NRXN3: variants seen among roughly 807,000 people sequenced by gnomAD.
NRXN3 encodes neurexin 3.
NRXN3 carries 32 observed loss-of-function variants against 137.6 expected under a neutral mutation model. The ratio of observed to expected loss-of-function variants is 0.23; its 90% CI spans 0.18 to 0.31. NRXN3 has a LOEUF of 0.31. Among genes scored for constraint, NRXN3 ranks in the 10% least tolerant of loss-of-function variants. NRXN3 has a pLI of 1.00. For missense variants in NRXN3, 1,574 were observed against 2,062.5 expected (o/e 0.76, Z 4.59); for synonymous variants, 798 against 784.5 (o/e 1.02, Z -0.29).
In NRXN3 at chr14:78,604,302, G is replaced by GT. The variant is rs11323166; in HGVS notation, c.758-40804dup. On this transcript the variant is annotated intron_variant, in intron 4 of 20. Coordinates refer to ENST00000335750, the MANE Select transcript of NRXN3 (RefSeq NM_001330195.2). ...CCATGTCATCCTCTCTTGGTCATTT[G>GT]TTTTTTTTTTTTTTGATTTACAAGT... is the stretch of plus-strand genomic sequence containing the variant. Among the ~76,000 whole-genome samples the GT allele has an allele frequency of 6.0e-3, 842 of 141,466 alleles. 3 individuals carry two copies. Among genetic ancestry groups the GT allele is most frequent in the Non-Finnish European group, 7.5e-3 (477 of 64,026 alleles). The allele number at this position is 141,466 out of a possible 152,430, so 92.8% of individuals were successfully genotyped here.
intron 16 of NRXN3, among the ~76,000 whole-genome samples, chr14:79,546,411 C>T (rs574636471): frequency 6.6e-6 from 1 of 152,188 alleles, no homozygotes; most frequent in South Asian, 2.1e-4. Flanking sequence ...TGAGTAAACC[C>T]AGTTAAAGAA....
chr14:78,474,748 G>T (rs2153732776), intron 4 of NRXN3, among the ~76,000 whole-genome samples: 1 of 152,316 alleles, frequency 6.6e-6, no homozygotes, highest in South Asian at 2.1e-4. Flanking sequence ...GCAGAGAGGG[G>T]ATAGGGTTGC....
At chr14:78,994,106 G>A (rs1339581015) in intron 15 of NRXN3, among the ~76,000 whole-genome samples, 1 of 151,668 alleles carries the variant, frequency 6.6e-6, no homozygotes, top group Non-Finnish European at 1.5e-5. Flanking sequence ...CGCCTGCCTC[G>A]GCCTCCCAAA....
At chr14:78,793,882 G>A (rs2098813109) in intron 8 of NRXN3, among the ~76,000 whole-genome samples, 1 of 152,158 alleles carries the variant, frequency 6.6e-6, no homozygotes, top group Non-Finnish European at 1.5e-5. Flanking sequence ...ACAGGAGCTG[G>A]TGAAGGGCCA....
At chr14:78,780,311 A>G (rs954416484) in intron 8 of NRXN3, among the ~76,000 whole-genome samples, 1 of 152,198 alleles carries the variant, frequency 6.6e-6, no homozygotes, top group Non-Finnish European at 1.5e-5. Flanking sequence ...TAAATTAAGG[A>G]TATATAAAAA....
At chr14:78,817,534 G>A (rs184272896) in intron 10 of NRXN3, among the ~76,000 whole-genome samples, 19 of 152,220 alleles carry the variant, frequency 1.2e-4, no homozygotes, top group African/African-American at 4.3e-4. Context: ...AAGATAAGAG[G>A]ATTATTTGGC....
intron 8 of NRXN3, among the ~76,000 whole-genome samples, chr14:78,775,241 G>T (rs963264450): frequency 2.0e-5 from 3 of 152,180 alleles, no homozygotes; most frequent in African/African-American, 7.2e-5. Flanking sequence ...CTTGTTAGGG[G>T]TGTGGTGTGT....
chr14:79,268,438 C>T (rs556298451), intron 15 of NRXN3, among the ~76,000 whole-genome samples: 134 of 152,268 alleles, frequency 8.8e-4, no homozygotes, highest in African/African-American at 3.1e-3. Flanking sequence ...AGGTCACCTC[C>T]AGATCCAGGT....
intron 4 of NRXN3, among the ~76,000 whole-genome samples, chr14:78,522,468 A>T (rs73324420): frequency 0.22 from 33,753 of 152,190 alleles, 4,099 homozygotes; most frequent in Middle Eastern, 0.32. Context: ...TTTTCTATGA[A>T]TCTGTTATCG....
chr14:79,059,393 G>C (rs2099671277), intron 15 of NRXN3, among the ~76,000 whole-genome samples: 2 of 151,796 alleles, frequency 1.3e-5, no homozygotes, highest in South Asian at 4.2e-4. Flanking sequence ...AAGTAGCTGA[G>C]ACTACAGGCG....
At chr14:78,928,711 T>C (rs1279386641) in intron 10 of NRXN3, among the ~76,000 whole-genome samples, 1 of 148,250 alleles carries the variant, frequency 6.7e-6, no homozygotes, top group Non-Finnish European at 1.5e-5. Context: ...TGTTGGACAT[T>C]TGGGTTGGTT....
At chr14:79,029,337 A>G (rs1532730) in intron 15 of NRXN3, among the ~76,000 whole-genome samples, 151,457 of 152,224 alleles carry the variant, frequency 0.99, 75,367 homozygotes, top group Middle Eastern at 1. Flanking sequence ...GATTAAATAA[A>G]GCATATTGTC....
intron 20 of NRXN3, 54 bp downstream of exon 20, chr14:79,805,244 A>C (rs1305748723): frequency 1.8e-5 from 23 of 1,264,086 alleles, no homozygotes; most frequent in Non-Finnish European, 2.7e-5. Context: ...TGCAAAAAAC[A>C]ATACATACAT....
intron 16 of NRXN3, among the ~76,000 whole-genome samples, chr14:79,505,345 G>T (rs1358286849): frequency 1.3e-5 from 2 of 152,162 alleles, no homozygotes; most frequent in African/African-American, 4.8e-5. Context: ...GAGGGTTAGG[G>T]TTGTCATTCT....
chr14:78,723,912 A>G (rs1478496504), intron 8 of NRXN3, among the ~76,000 whole-genome samples: 1 of 152,180 alleles, frequency 6.6e-6, no homozygotes, highest in Non-Finnish European at 1.5e-5. Flanking sequence ...ATACCAAAGC[A>G]TGCCTTTCTT....
At chr14:79,829,146 A>G (rs1262959907) in intron 20 of NRXN3, among the ~76,000 whole-genome samples, 2 of 152,234 alleles carry the variant, frequency 1.3e-5, no homozygotes, top group Admixed American at 6.5e-5. Flanking sequence ...CATTATTAAT[A>G]TTCTGCAATA....
At chr14:78,955,292 C>T (rs1332658949) in intron 10 of NRXN3, among the ~76,000 whole-genome samples, 1 of 152,130 alleles carries the variant, frequency 6.6e-6, no homozygotes, top group African/African-American at 2.4e-5. Flanking sequence ...ATGATGTGGT[C>T]CATTTTCTTT....
At chr14:78,711,761 T>C (rs1329043862) in intron 7 of NRXN3, among the ~76,000 whole-genome samples, 2 of 152,154 alleles carry the variant, frequency 1.3e-5, no homozygotes, top group African/African-American at 2.4e-5. Context: ...TTTGAACTAC[T>C]GATGAATTTG....
intron 4 of NRXN3, among the ~76,000 whole-genome samples, chr14:78,342,725 C>T (rs2082274134): frequency 6.6e-6 from 1 of 152,164 alleles, no homozygotes; most frequent in African/African-American, 2.4e-5. Context: ...GCACCAAAGC[C>T]TTTCCTAGAT....
Sources: allele counts gnomAD v4.1 joint callset (sites outside exome capture counted in the v4.1 genomes callset), GRCh38; gene constraint gnomAD v4.1.1; transcripts MANE v1.5; gene names NCBI Gene and HGNC (gene_info 2026-07-23, HGNC 2026-07-21).